EPB41L3: variants seen among roughly 807,000 people sequenced by gnomAD.
The protein encoded by EPB41L3 is band 4.1-like protein 3.
Under a neutral mutation model 127.1 loss-of-function variants are expected in EPB41L3, and 57 were observed. That is an observed-to-expected ratio of 0.45 (90% CI 0.36 to 0.56). The LOEUF (loss-of-function observed/expected upper bound fraction) is 0.56. Ranked by LOEUF, EPB41L3 falls within the 20% of genes least tolerant of loss-of-function variation. The probability of loss-of-function intolerance (pLI) is 0.00; values close to 1 mark genes in which losing one functional copy is unlikely to be tolerated. For synonymous variants in EPB41L3, 572 were observed against 549.5 expected (o/e 1.04, Z -0.57); for missense variants, 1,273 against 1,372.2 (o/e 0.93, Z 1.14).
intron 1 of EPB41L3, among the ~76,000 whole-genome samples, chr18:5,535,784 A>G (rs868843321): frequency 1.3e-5 from 2 of 152,246 alleles, no homozygotes; most frequent in African/African-American, 2.4e-5. Flanking sequence ...TGTGAATAAC[A>G]TAACAGAGCA....
intron 3 of EPB41L3, among the ~76,000 whole-genome samples, chr18:5,573,827 G>T (rs1785425): frequency 0.014 from 2,092 of 151,982 alleles, 21 homozygotes; most frequent in Non-Finnish European, 0.023. Context: ...TCAAGAATAG[G>T]TTAGAGAGCT....
At chr18:5,424,392 T>C in intron 9 of EPB41L3, 33 bp from the exon 10 acceptor site, 2 of 1,505,778 alleles carry the variant, frequency 1.3e-6, no homozygotes, top group Non-Finnish European at 1.8e-6. Context: ...AAGAGTAAAG[T>C]TTAAAATTAT....
At chr18:5,468,229 A>C (rs1171041944) in intron 3 of EPB41L3, among the ~76,000 whole-genome samples, 1 of 152,122 alleles carries the variant, frequency 6.6e-6, no homozygotes, top group Non-Finnish European at 1.5e-5. Context: ...CCCTCAGCAC[A>C]AATAGCCTGG....
intron 12 of EPB41L3, among the ~76,000 whole-genome samples, chr18:5,418,902 T>A (rs567465626): frequency 6.6e-6 from 1 of 152,218 alleles, no homozygotes; most frequent in Non-Finnish European, 1.5e-5. Flanking sequence ...TGGGTTATTA[T>A]GAGCATTTTC....
chr18:5,524,822 AGGTCT>A (rs1239699078), intron 1 of EPB41L3, among the ~76,000 whole-genome samples: 1 of 152,202 alleles, frequency 6.6e-6, no homozygotes, highest in Non-Finnish European at 1.5e-5. Flanking sequence ...TGCACTGGCC[AGGTCT>A]GGGTCACCTG....
intron 15 of EPB41L3, chr18:5,407,273 A>G (rs1017350849): frequency 6.6e-5 from 27 of 406,082 alleles, no homozygotes; most frequent in Non-Finnish European, 1.1e-4. Context: ...ACACAGGAAA[A>G]GGGATCTATA....
chr18:5,597,501 T>A (rs776510838), intron 3 of EPB41L3, among the ~76,000 whole-genome samples: 4 of 152,174 alleles, frequency 2.6e-5, no homozygotes, highest in Non-Finnish European at 5.9e-5. Flanking sequence ...CCCAATCCCA[T>A]GGTAACTGTA....
At chr18:5,435,069 A>G (rs142777044) in intron 6 of EPB41L3, among the ~76,000 whole-genome samples, 301 of 152,350 alleles carry the variant, frequency 2.0e-3, no homozygotes, top group African/African-American at 7.0e-3. Context: ...TTAAAAGTAA[A>G]AACAAATTAT....
Position 5,489,028 on chromosome 18 carries a change from T to C in EPB41L3, c.156A>G (p.Ala52=). Reference sequence around the variant, plus strand: ...CCCTCCGCACCGGGGTGCTGTGCGCTGCAGCGGCGGCGAACTGCTCCAGGG... The same window carrying C: ...CCCTCCGCACCGGGGTGCTGTGCGCCGCAGCGGCGGCGAACTGCTCCAGGG... ...QQALEQFAAA[A]AHSTPVRREV... The change falls in exon 2 of 23, where the codon GCA becomes GCG. Residue 52 remains alanine (A), a synonymous_variant. Coordinates refer to ENST00000341928, the MANE Select transcript of EPB41L3 (RefSeq NM_012307.5). 3.1e-6 allele frequency: 5 copies of C among 1,590,370 alleles called. No homozygotes were observed. Among genetic ancestry groups the C allele is most frequent in the Non-Finnish European group, 4.3e-6 (5 of 1,175,596 alleles).
intron 2 of EPB41L3, among the ~76,000 whole-genome samples, chr18:5,487,180 C>T (rs2089893618): frequency 6.6e-6 from 1 of 152,094 alleles, no homozygotes; most frequent in South Asian, 2.1e-4. Flanking sequence ...TCTGCACCAA[C>T]ACGGATGGAA....
chr18:5,419,556 CA>C (rs756993735), intron 12 of EPB41L3, among the ~76,000 whole-genome samples, 154 bp downstream of exon 12: 20 of 152,182 alleles, frequency 1.3e-4, no homozygotes, highest in Admixed American at 2.6e-4. Flanking sequence ...AATGTTGAAA[CA>C]GCAATCATAA....
intron 1 of EPB41L3, among the ~76,000 whole-genome samples, chr18:5,627,174 G>A (rs967978024): frequency 6.6e-6 from 1 of 152,078 alleles, no homozygotes; most frequent in Non-Finnish European, 1.5e-5. Flanking sequence ...TTCAAAGTGC[G>A]AGGTCACTTT....
intron 3 of EPB41L3, among the ~76,000 whole-genome samples, chr18:5,584,980 G>A (rs1284203952): frequency 6.6e-6 from 1 of 152,172 alleles, no homozygotes; most frequent in African/African-American, 2.4e-5. Flanking sequence ...TGGTTGCCTT[G>A]TGTAGAGGAG....
At chr18:5,424,949 G>A (rs1172993111) in intron 9 of EPB41L3, among the ~76,000 whole-genome samples, 1 of 152,032 alleles carries the variant, frequency 6.6e-6, no homozygotes, top group Non-Finnish European at 1.5e-5. Flanking sequence ...AGAGATTGGG[G>A]GAACATATTT....
At chr18:5,544,790 G>A (rs1245048503), upstream of EPB41L3, among the ~76,000 whole-genome samples, 1 of 152,156 alleles carries the variant, frequency 6.6e-6, no homozygotes, top group South Asian at 2.1e-4. Context: ...TTAAAATAAA[G>A]TATAATTGAA....
intron 1 of EPB41L3, chr18:5,540,377 G>A (rs2149037877): frequency 1.0e-6 from 1 of 985,422 alleles, no homozygotes. Context: ...GAGTCTCATT[G>A]ATTGATCAGG....
At chr18:5,584,550 G>A (rs2143328757) in intron 3 of EPB41L3, among the ~76,000 whole-genome samples, 1 of 152,192 alleles carries the variant, frequency 6.6e-6, no homozygotes, top group South Asian at 2.1e-4. Flanking sequence ...CAGTATATAG[G>A]TGCTCTAAAG....
intron 3 of EPB41L3, among the ~76,000 whole-genome samples, chr18:5,573,201 T>C (rs1490572361): frequency 6.6e-6 from 1 of 152,236 alleles, no homozygotes; most frequent in African/African-American, 2.4e-5. Context: ...TGCATATTTA[T>C]GAAGCAGTTT....
chr18:5,433,375 C>T (rs2079264038), intron 8 of EPB41L3, 94 bp downstream of exon 8: 1 of 846,978 alleles, frequency 1.2e-6, no homozygotes, highest in Non-Finnish European at 1.9e-6. Context: ...GTTTCATTTA[C>T]ATTAACTGAA....
Sources: allele counts gnomAD v4.1 joint callset (sites outside exome capture counted in the v4.1 genomes callset), GRCh38; gene constraint gnomAD v4.1.1; transcripts MANE v1.5; gene names NCBI Gene and HGNC (gene_info 2026-07-23, HGNC 2026-07-21).